The following DLG2 variants were observed in gnomAD, a reference collection of about 807,000 sequenced individuals.
DLG2 encodes disks large homolog 2.
In DLG2, 45 loss-of-function variants were observed where a neutral mutation model predicts 132.5. The ratio of observed to expected loss-of-function variants is 0.34; its 90% CI spans 0.27 to 0.44. The LOEUF (loss-of-function observed/expected upper bound fraction) is 0.44. Ranked by LOEUF, DLG2 falls within the 20% of genes least tolerant of loss-of-function variation. The pLI is 1.00. For synonymous variants in DLG2, 424 were observed against 419.6 expected (o/e 1.01, Z -0.13); for missense variants, 1,045 against 1,196.9 (o/e 0.87, Z 1.87).
rs550751325 is a variant in DLG2, at chr11:83,954,681, G to C, written c.1340+8204C>G. ...AACTTTTTAAGGGAAAAGCTACCTA[G>C]AGTTAGCTATTGAGAGTCACTATGA... On this transcript the variant is annotated intron_variant, in intron 14 of 27. Coordinates refer to ENST00000376104, the MANE Select transcript of DLG2 (RefSeq NM_001142699.3). Among the ~76,000 whole-genome samples the C allele has an allele frequency of 9.1e-4, 138 of 152,236 alleles. 1 individual carries two copies. Among genetic ancestry groups the C allele is most frequent in the African/African-American group, 3.2e-3 (135 of 41,542 alleles).
chr11:84,055,901 G>A (rs760375793), intron 11 of DLG2, among the ~76,000 whole-genome samples: 66 of 151,988 alleles, frequency 4.3e-4, no homozygotes, highest in Non-Finnish European at 8.8e-4. Context: ...TAAACAATAC[G>A]TATTTGTTGA....
At chr11:83,886,861 C>A (rs1028077943) in intron 15 of DLG2, among the ~76,000 whole-genome samples, 1 of 150,284 alleles carries the variant, frequency 6.7e-6, no homozygotes, top group South Asian at 2.1e-4. Context: ...GGGTACATAA[C>A]GAAATGAAGG....
chr11:85,312,684 A>G lies in DLG2; in HGVS notation c.41-27319T>C, dbSNP rs1372439152. Among the ~76,000 whole-genome samples the G allele has an allele frequency of 2.6e-5, 4 of 151,862 alleles. No homozygotes were observed. In the South Asian group the frequency reaches 8.3e-4, roughly 31 times the overall value. On this transcript the variant is annotated intron_variant, in intron 3 of 27. Transcript: ENST00000376104. The stretch of plus-strand genomic sequence containing the variant: ...TTACCTTTTAAAAATACTTTCACTC[A>G]CCTAGGAGCTTGAAAAAGTAAATAC...
chr11:84,468,315 T>C (rs961370058), intron 7 of DLG2, among the ~76,000 whole-genome samples: 1 of 151,476 alleles, frequency 6.6e-6, no homozygotes, highest in African/African-American at 2.4e-5. Context: ...TGTGTGTTAA[T>C]TGGATCTTGT....
chr11:84,272,760 T>C (rs1348103852), intron 7 of DLG2, among the ~76,000 whole-genome samples: 3 of 152,194 alleles, frequency 2.0e-5, no homozygotes, highest in Non-Finnish European at 2.9e-5. Flanking sequence ...TCTTGATCTA[T>C]ATATCAAACC....
Position 84,876,207 on chromosome 11 carries a change from C to A in DLG2, c.357+235454G>T, listed in dbSNP as rs551854337. On this transcript the variant is annotated intron_variant, in intron 6 of 27. Coordinates refer to ENST00000376104, the MANE Select transcript of DLG2 (RefSeq NM_001142699.3). ...TTTTGATATAGCAAGCTGTGAGCTC[C>A]CTGTGTTGGCTGATAAGAAATAAAT... Among the ~76,000 whole-genome samples, 4 of 152,244 alleles carry A rather than the reference C, an allele frequency of 2.6e-5. No homozygotes were observed. In the East Asian group the frequency reaches 5.8e-4, roughly 22 times the overall value.
chr11:84,160,852 G>A (rs1208316397), intron 9 of DLG2, among the ~76,000 whole-genome samples: 3 of 152,190 alleles, frequency 2.0e-5, no homozygotes, highest in Non-Finnish European at 4.4e-5. Context: ...GTAGGAAAAT[G>A]TGGTTTTCAT....
intron 16 of DLG2, among the ~76,000 whole-genome samples, chr11:83,865,923 A>G (rs937504344): frequency 6.6e-6 from 1 of 152,158 alleles, no homozygotes; most frequent in Non-Finnish European, 1.5e-5. Context: ...ACACTCAGAC[A>G]GATTTGTAAT....
At chr11:83,601,303 A>G (rs1238682026) in intron 19 of DLG2, among the ~76,000 whole-genome samples, 3 of 152,084 alleles carry the variant, frequency 2.0e-5, no homozygotes, top group Non-Finnish European at 4.4e-5. Context: ...AGTAGTTTCC[A>G]AACTTAGTTT....
chr11:85,363,521 G>T (rs2084314928), intron 3 of DLG2, among the ~76,000 whole-genome samples: 1 of 152,138 alleles, frequency 6.6e-6, no homozygotes, highest in African/African-American at 2.4e-5. Flanking sequence ...ATTTATCTCT[G>T]CCAGATAATA....
intron 6 of DLG2, among the ~76,000 whole-genome samples, chr11:84,758,234 T>C (rs909356202): frequency 1.3e-5 from 2 of 152,214 alleles, no homozygotes; most frequent in African/African-American, 4.8e-5. Flanking sequence ...TGTGGAGCCA[T>C]GGAAAACAAC....
At chr11:84,163,536 G>A (rs1490779362) in intron 8 of DLG2, 25 bp from the exon 9 acceptor site, 2 of 1,580,346 alleles carry the variant, frequency 1.3e-6, no homozygotes, top group Non-Finnish European at 1.7e-6. Context: ...AAAATAAGAA[G>A]AGAACTATTA....
chr11:85,349,778 A>G (rs1041955372), intron 3 of DLG2, among the ~76,000 whole-genome samples: 6 of 152,130 alleles, frequency 3.9e-5, no homozygotes, highest in Admixed American at 1.3e-4. Context: ...TCCATGGTGT[A>G]TATGTGCCAC....
intron 3 of DLG2, among the ~76,000 whole-genome samples, chr11:85,477,452 A>G (rs1426728160): frequency 6.6e-6 from 1 of 152,256 alleles, no homozygotes; most frequent in Non-Finnish European, 1.5e-5. Flanking sequence ...ACTTGACCAT[A>G]GGTAATAACC....
At chr11:84,924,100 GA>G (rs772149053) in intron 6 of DLG2, among the ~76,000 whole-genome samples, 17 of 146,692 alleles carry the variant, frequency 1.2e-4, no homozygotes, top group South Asian at 4.3e-4. Context: ...AGTCCGTAAG[GA>G]AAAAAAAAAA....
intron 7 of DLG2, among the ~76,000 whole-genome samples, chr11:84,500,979 T>A (rs1217707379): frequency 6.6e-6 from 1 of 152,180 alleles, no homozygotes; most frequent in Admixed American, 6.5e-5. Flanking sequence ...GTTGATTATA[T>A]GTTGAATTTG....
chr11:85,526,695 T>C (rs2074779709), intron 3 of DLG2, among the ~76,000 whole-genome samples: 1 of 152,186 alleles, frequency 6.6e-6, no homozygotes, highest in Non-Finnish European at 1.5e-5. Context: ...TTTTTCTGGA[T>C]GTGTCTGTGA....
At chr11:85,105,094 G>T (rs2071522342) in intron 6 of DLG2, among the ~76,000 whole-genome samples, 1 of 151,814 alleles carries the variant, frequency 6.6e-6, no homozygotes, top group Non-Finnish European at 1.5e-5. Flanking sequence ...CTCAGATCTT[G>T]CCAGCAACCT....
Position 84,373,257 on chromosome 11 carries a change from AAAAAAAAC to A in DLG2, c.520-121974_520-121967del, listed in dbSNP as rs1224983805. On this transcript the variant is annotated intron_variant, in intron 7 of 27. Transcript: ENST00000376104. ...TCCAATTAAGAAACAGTCAAAAAAA[AAAAAAAAC>A]AAAACAAAAAAAAAACCCACCAGGC... Among the ~76,000 whole-genome samples, 4 of 95,114 alleles carry A rather than the reference AAAAAAAAC, an allele frequency of 4.2e-5. 1 individual carries two copies. Among genetic ancestry groups the A allele is most frequent in the South Asian group, 3.7e-4 (1 of 2,704 alleles). The allele number at this position is 95,114 out of a possible 152,430, so 62.4% of individuals were successfully genotyped here. A position where few individuals can be genotyped will look rare whatever the true frequency, so the allele number is the denominator to read the frequency against.
Sources: allele counts gnomAD v4.1 joint callset (sites outside exome capture counted in the v4.1 genomes callset), GRCh38; gene constraint gnomAD v4.1.1; transcripts MANE v1.5; gene names NCBI Gene and HGNC (gene_info 2026-07-23, HGNC 2026-07-21).